DENND2B: variants seen among roughly 807,000 people sequenced by gnomAD.
DENND2B encodes the protein DENN domain containing 2B, also known as DENN domain-containing protein 2B.
DENND2B carries 32 observed loss-of-function variants against 116.0 expected under a neutral mutation model. The ratio of observed to expected loss-of-function variants is 0.28; its 90% CI spans 0.21 to 0.37. The LOEUF (loss-of-function observed/expected upper bound fraction) is 0.37, where lower values mean the gene tolerates loss of function less well. DENND2B is among the 10% of genes least tolerant of loss of function. The pLI is 1.00. For synonymous variants in DENND2B, 588 were observed against 583.9 expected (o/e 1.01, Z -0.10); for missense variants, 1,276 against 1,477.7 (o/e 0.86, Z 2.24).
At chr11:8,760,950 A>G (rs1439894238) in intron 1 of DENND2B, among the ~76,000 whole-genome samples, 1 of 152,078 alleles carries the variant, frequency 6.6e-6, no homozygotes, top group Non-Finnish European at 1.5e-5. Context: ...TAATAATCAG[A>G]AAAAAAAGTA....
intron 1 of DENND2B, among the ~76,000 whole-genome samples, chr11:8,788,333 T>C (rs754960883): frequency 1.3e-5 from 2 of 152,198 alleles, no homozygotes; most frequent in Non-Finnish European, 2.9e-5. Context: ...ACCCCACCTA[T>C]GTATCACAAT....
At chr11:8,725,533 C>T (rs1410253868) in intron 4 of DENND2B, among the ~76,000 whole-genome samples, 1 of 152,038 alleles carries the variant, frequency 6.6e-6, no homozygotes, top group African/African-American at 2.4e-5. Context: ...TGCCACCATG[C>T]TCAGCTAATT....
intron 2 of DENND2B, among the ~76,000 whole-genome samples, chr11:8,736,213 T>C (rs1485412257): frequency 2.0e-5 from 3 of 152,102 alleles, no homozygotes; most frequent in African/African-American, 7.2e-5. Context: ...CAACCAGATA[T>C]ATTGAGCACC....
chr11:8,861,208 G>C (rs2063378884), intron 2 of DENND2B, among the ~76,000 whole-genome samples: 1 of 152,100 alleles, frequency 6.6e-6, no homozygotes, highest in African/African-American at 2.4e-5. Flanking sequence ...AAACTAAAAG[G>C]CTTCTGCACA....
chr11:8,868,877 A>G (rs1421650208), intron 2 of DENND2B, among the ~76,000 whole-genome samples: 2 of 152,220 alleles, frequency 1.3e-5, no homozygotes, highest in Non-Finnish European at 2.9e-5. Flanking sequence ...TATAATTCTT[A>G]GATTCTAAGC....
intron 13 of DENND2B, among the ~76,000 whole-genome samples, chr11:8,705,904 G>A (rs553104875): frequency 6.6e-6 from 1 of 152,310 alleles, no homozygotes; most frequent in Non-Finnish European, 1.5e-5. Flanking sequence ...TGGTCTCCCC[G>A]TTTTCACTCC....
chr11:8,737,708 CTCCTT>C (rs2049331135), intron 2 of DENND2B, among the ~76,000 whole-genome samples: 1 of 151,326 alleles, frequency 6.6e-6, no homozygotes, highest in Admixed American at 6.6e-5. Context: ...TCCTCCCTCC[CTCCTT>C]TCTTTTCTTT....
In DENND2B at chr11:8,712,804, C is replaced by G. The variant is rs753690370; in HGVS notation, c.1988-69G>C. 6.7e-7 allele frequency: 1 copy of G among 1,495,532 alleles called. No individual in the cohort carries two copies. Among genetic ancestry groups the G allele is most frequent in the Non-Finnish European group, 9.0e-7 (1 of 1,116,056 alleles). The allele number at this position is 1,495,532 out of a possible 1,614,324, so 92.6% of individuals were successfully genotyped here. ...CATGTTAACTCCTCTACCCCTGGCTCAGGGCTCCATTGCTGTGGAGCACTT... is the reference window on the plus strand; with the variant it reads ...CATGTTAACTCCTCTACCCCTGGCTGAGGGCTCCATTGCTGTGGAGCACTT... On this transcript the variant is annotated intron_variant, in intron 8 of 19. Coordinates refer to ENST00000313726, the MANE Select transcript of DENND2B (RefSeq NM_213618.2). The surrounding 1 kb of genome is among the most constrained non-coding windows in gnomAD (Gnocchi z 4.4).
intron 2 of DENND2B, among the ~76,000 whole-genome samples, chr11:8,745,767 G>C (rs1164059061): frequency 1.3e-5 from 2 of 152,166 alleles, no homozygotes; most frequent in Non-Finnish European, 2.9e-5. Flanking sequence ...TGCTATGAAG[G>C]CATGCTGCCA....
At chr11:8,719,397 G>A (rs2045731981) in intron 4 of DENND2B, among the ~76,000 whole-genome samples, 1 of 152,182 alleles carries the variant, frequency 6.6e-6, no homozygotes, top group Admixed American at 6.5e-5. Flanking sequence ...ATAAATCTCT[G>A]TAAACTTATG....
intron 1 of DENND2B, among the ~76,000 whole-genome samples, chr11:8,763,222 TGAAAAA>T (rs1361427288): frequency 6.6e-6 from 1 of 151,988 alleles, no homozygotes; most frequent in Non-Finnish European, 1.5e-5. Context: ...ATGGATAAAA[TGAAAAA>T]GAAAATACCT....
chr11:8,703,397 C>T (rs2133735991), intron 13 of DENND2B: 1 of 152,446 alleles, frequency 6.6e-6, no homozygotes, highest in Admixed American at 6.5e-5. Context: ...CCTCTTTCCT[C>T]CAAAGGCTGC....
chr11:8,716,769 T>C (rs1592628558), intron 5 of DENND2B, among the ~76,000 whole-genome samples: 1 of 152,100 alleles, frequency 6.6e-6, no homozygotes, highest in Non-Finnish European at 1.5e-5. Flanking sequence ...TGCCTCAGCC[T>C]CCCAAGCAGC....
chr11:8,769,132 G>T (rs187737342), intron 1 of DENND2B, among the ~76,000 whole-genome samples: 29 of 151,872 alleles, frequency 1.9e-4, no homozygotes, highest in African/African-American at 7.0e-4. Context: ...ACTCAGCAAT[G>T]CCTGCCAAGC....
chr11:8,693,630 T>C lies in DENND2B; in HGVS notation c.*466A>G, dbSNP rs1472703817. 6.4e-6 allele frequency: 1 copy of C among 155,400 alleles called. No individual in the cohort carries two copies. The highest frequency in any genetic ancestry group is 2.0e-4 in the South Asian group (1 of 5,102). The allele number at this position is 155,400 out of a possible 1,614,324, so 9.6% of individuals were successfully genotyped here. On this transcript the variant is annotated 3_prime_UTR_variant, in exon 20 of 20. Transcript: ENST00000313726. Reference sequence around the variant, plus strand: ...GGGTATGCGGACTACCAGCAAAAAATAGAAACTTGATTTTTTTAAAAGGTC... The same window carrying C: ...GGGTATGCGGACTACCAGCAAAAAACAGAAACTTGATTTTTTTAAAAGGTC...
chr11:8,831,302 G>T (rs532573255), intron 4 of DENND2B, among the ~76,000 whole-genome samples: 121 of 152,216 alleles, frequency 7.9e-4, no homozygotes, highest in African/African-American at 2.8e-3. Flanking sequence ...AGCATTCCTG[G>T]CCATCACACC....
intron 1 of DENND2B, among the ~76,000 whole-genome samples, chr11:8,764,942 C>CACAAAAAAAA: frequency 1.0e-5 from 1 of 100,290 alleles, no homozygotes. Context: ...GAGACTGTCT[C>CACAAAAAAAA]AAAAAAAAAA....
rs1385572294 is a variant in DENND2B, at chr11:8,712,936, G to A, written c.1988-201C>T. 1.3e-5 allele frequency among the ~76,000 whole-genome samples: 2 copies of A among 152,230 alleles called. No individual in the cohort carries two copies. The highest frequency in any genetic ancestry group is 2.9e-5 in the Non-Finnish European group (2 of 68,046). On this transcript the variant is annotated intron_variant, in intron 8 of 19. Coordinates refer to ENST00000313726, the MANE Select transcript of DENND2B (RefSeq NM_213618.2). The surrounding 1 kb of genome is among the most constrained non-coding windows in gnomAD (Gnocchi z 4.4). Reference sequence around the variant, plus strand: ...CAAAGACTCTGCCCTGACACAGGAAGCTGCGGGCCTGGTCCTCCTGGAGCC... The same window carrying A: ...CAAAGACTCTGCCCTGACACAGGAAACTGCGGGCCTGGTCCTCCTGGAGCC...
intron 2 of DENND2B, among the ~76,000 whole-genome samples, chr11:8,745,076 C>T (rs1439741033): frequency 2.0e-5 from 3 of 152,008 alleles, no homozygotes; most frequent in African/African-American, 7.2e-5. Context: ...ACCACCACAC[C>T]CAGCCAACTT....
Sources: allele counts gnomAD v4.1 joint callset (sites outside exome capture counted in the v4.1 genomes callset), GRCh38; gene constraint gnomAD v4.1.1; non-coding constraint Gnocchi (gnomAD v3.1); transcripts MANE v1.5; gene names NCBI Gene and HGNC (gene_info 2026-07-23, HGNC 2026-07-21).